AUH: variants seen among roughly 807,000 people sequenced by gnomAD.
AUH encodes the protein AU RNA binding methylglutaconyl-CoA hydratase.
In AUH, 29 loss-of-function variants were observed where a neutral mutation model predicts 42.3. The ratio of observed to expected loss-of-function variants is 0.69; its 90% CI spans 0.51 to 0.93. AUH has a LOEUF of 0.93. Ranked by LOEUF, AUH falls within the 40% of genes least tolerant of loss-of-function variation. The pLI is 0.00. For synonymous variants in AUH, 174 were observed against 166.4 expected, an observed-to-expected ratio of 1.05 and a Z score of -0.35; for missense variants, 452 against 438.1, an observed-to-expected ratio of 1.03 and a Z score of -0.28.
intron 6 of AUH, among the ~76,000 whole-genome samples, chr9:91,225,670 T>C (rs1460986887): frequency 6.6e-6 from 1 of 151,062 alleles, no homozygotes; most frequent in Non-Finnish European, 1.5e-5. Flanking sequence ...CATCTAGCAT[T>C]AGGTATATCT....
chr9:91,347,808 G>A (rs1831638625), intron 3 of AUH, among the ~76,000 whole-genome samples: 1 of 151,048 alleles, frequency 6.6e-6, no homozygotes. Flanking sequence ...TTCACAAAAA[G>A]GTACAAACCA....
At chr9:91,266,338 G>A (rs973615644) in intron 6 of AUH, among the ~76,000 whole-genome samples, 2 of 150,868 alleles carry the variant, frequency 1.3e-5, no homozygotes, top group Non-Finnish European at 2.9e-5. Context: ...CTCCAGCCTG[G>A]GTAACAGTGT....
chr9:91,345,772 G>A (rs1189198018), intron 3 of AUH, among the ~76,000 whole-genome samples: 2 of 148,582 alleles, frequency 1.3e-5, no homozygotes, highest in Non-Finnish European at 3.0e-5. Context: ...GGTGGAGCTT[G>A]CAGTGAGCCA....
intron 4 of AUH, among the ~76,000 whole-genome samples, chr9:91,325,007 A>C (rs2131858372): frequency 6.6e-6 from 1 of 152,210 alleles, no homozygotes; most frequent in African/African-American, 2.4e-5. Context: ...AAACAAAGGA[A>C]TCCCAAACGT....
At chr9:91,351,622 G>A (rs778317343) in intron 3 of AUH, among the ~76,000 whole-genome samples, 2 of 152,180 alleles carry the variant, frequency 1.3e-5, no homozygotes, top group Non-Finnish European at 2.9e-5. Context: ...GTTAGGAACC[G>A]GTGACACAGC....
chr9:91,280,006 A>G (rs936209590), intron 6 of AUH, among the ~76,000 whole-genome samples: 6 of 152,220 alleles, frequency 3.9e-5, no homozygotes, highest in Non-Finnish European at 7.3e-5. Context: ...GCATGCTGAC[A>G]GGTACACACT....
intron 6 of AUH, among the ~76,000 whole-genome samples, chr9:91,249,783 A>G (rs777411868): frequency 1.3e-5 from 2 of 151,906 alleles, no homozygotes; most frequent in Non-Finnish European, 2.9e-5. Flanking sequence ...AAGCTGAGGC[A>G]GGCAGATCAC....
intron 6 of AUH, among the ~76,000 whole-genome samples, chr9:91,268,534 G>A (rs562020589): frequency 4.0e-4 from 61 of 152,114 alleles, no homozygotes; most frequent in Non-Finnish European, 5.9e-4. Context: ...AGGTTCAAGC[G>A]ATTCTCCTGC....
chr9:91,338,431 CT>C (rs200740523), intron 3 of AUH, among the ~76,000 whole-genome samples: 28 of 151,568 alleles, frequency 1.8e-4, no homozygotes, highest in African/African-American at 6.0e-4. Flanking sequence ...CTAGGAGGTA[CT>C]TTTTTTTTGG....
intron 6 of AUH, among the ~76,000 whole-genome samples, chr9:91,280,662 G>A (rs372670715): frequency 8.5e-5 from 13 of 152,066 alleles, no homozygotes; most frequent in African/African-American, 3.1e-4. Flanking sequence ...ACTATCCTTT[G>A]AAGTTAATCT....
At chr9:91,291,068 C>T (rs988338241) in intron 6 of AUH, among the ~76,000 whole-genome samples, 1 of 152,182 alleles carries the variant, frequency 6.6e-6, no homozygotes, top group Admixed American at 6.5e-5. Flanking sequence ...ATGCCTCTCA[C>T]CCATGGCTTC....
intron 3 of AUH, among the ~76,000 whole-genome samples, chr9:91,341,400 G>A (rs1489693094): frequency 2.0e-5 from 3 of 152,118 alleles, no homozygotes; most frequent in South Asian, 4.1e-4. Context: ...AGTCCATCTG[G>A]GAACACATCA....
chr9:91,335,363 T>C (rs1830620265), intron 3 of AUH, among the ~76,000 whole-genome samples: 1 of 152,188 alleles, frequency 6.6e-6, no homozygotes, highest in African/African-American at 2.4e-5. Flanking sequence ...ATTCTTAACA[T>C]TATCTTACCA....
chr9:91,287,825 G>C (rs1406181811), intron 6 of AUH, among the ~76,000 whole-genome samples: 1 of 151,946 alleles, frequency 6.6e-6, no homozygotes, highest in Non-Finnish European at 1.5e-5. Context: ...AATATTCTTG[G>C]GTGTGATAAT....
rs1437713788 is a variant in AUH, at chr9:91,302,724, G to A, written c.506-4648C>T. On this transcript the variant is annotated intron_variant, in intron 4 of 9. Coordinates refer to ENST00000375731, the MANE Select transcript of AUH (RefSeq NM_001698.3). Reference sequence around the variant, plus strand: ...GCAGAGGTTGCAGTGAGCTGAGATCGTGCCACTGCATTCCAGCCTGGGCAA... The same window carrying A: ...GCAGAGGTTGCAGTGAGCTGAGATCATGCCACTGCATTCCAGCCTGGGCAA... Among the ~76,000 whole-genome samples the A allele has an allele frequency of 7.9e-5, 12 of 152,274 alleles. No individual in the cohort carries two copies. The South Asian group carries it at 1.2e-3, about 16-fold the overall frequency.
intron 4 of AUH, among the ~76,000 whole-genome samples, chr9:91,300,383 G>A (rs1003597820): frequency 6.6e-5 from 10 of 152,146 alleles, no homozygotes; most frequent in African/African-American, 1.2e-4. Flanking sequence ...CTTCTAGGCT[G>A]TATTTCAGTT....
At chr9:91,324,068 T>C (rs1268504177) in intron 4 of AUH, among the ~76,000 whole-genome samples, 4 of 152,142 alleles carry the variant, frequency 2.6e-5, no homozygotes, top group African/African-American at 9.7e-5. Context: ...AATTTAAAGA[T>C]ACTGGAATCA....
intron 3 of AUH, among the ~76,000 whole-genome samples, chr9:91,348,910 AT>A (rs1052142861): frequency 2.6e-5 from 4 of 152,204 alleles, no homozygotes; most frequent in African/African-American, 7.2e-5. Flanking sequence ...TAAATAAAAC[AT>A]TTTTTATTCC....
At chr9:91,273,092 T>G (rs1041375596) in intron 6 of AUH, among the ~76,000 whole-genome samples, 2 of 152,162 alleles carry the variant, frequency 1.3e-5, no homozygotes, top group African/African-American at 4.8e-5. Flanking sequence ...CCAGGAATGC[T>G]GAAGAATTAT....
Sources: allele counts gnomAD v4.1 joint callset (sites outside exome capture counted in the v4.1 genomes callset), GRCh38; gene constraint gnomAD v4.1.1; transcripts MANE v1.5; gene names NCBI Gene and HGNC (gene_info 2026-07-23, HGNC 2026-07-21).